The following ECT2L variants were observed in gnomAD, a reference collection of about 807,000 sequenced individuals.
ECT2L encodes the protein epithelial cell-transforming sequence 2 oncogene-like.
A neutral mutation model predicts 122.8 loss-of-function variants in ECT2L; 126 were observed. The ratio of observed to expected loss-of-function variants is 1.03; its 90% CI spans 0.89 to 1.19. ECT2L has a LOEUF of 1.19. Ranked by LOEUF, ECT2L falls within the 50% of genes most tolerant of loss-of-function variation. The pLI, the probability that ECT2L is intolerant of heterozygous loss-of-function variation, is 0.00. For synonymous variants in ECT2L, 385 were observed against 381.8 expected (o/e 1.01, Z -0.10); for missense variants, 1,012 against 1,064.1 (o/e 0.95, Z 0.68).
At chr6:138,880,335 C>A (rs564442815) in intron 14 of ECT2L, among the ~76,000 whole-genome samples, 9 of 152,224 alleles carry the variant, frequency 5.9e-5, no homozygotes, top group African/African-American at 2.2e-4. Context: ...AGGACCAACT[C>A]CCTCTGCCAA....
Position 138,849,377 on chromosome 6 carries a change from G to C in ECT2L, c.1012G>C (p.Ala338Pro). The C allele has an allele frequency of 6.2e-7, 1 of 1,613,974 alleles. No homozygotes were observed. Among genetic ancestry groups the C allele is most frequent in the Non-Finnish European group, 8.5e-7 (1 of 1,179,966 alleles). ...AGAAAAAGCTCTGGATGGGCAGAAGGCACAGAGCATCGGAATATTTAGCGA... is the reference window on the plus strand; with the variant it reads ...AGAAAAAGCTCTGGATGGGCAGAAGCCACAGAGCATCGGAATATTTAGCGA... ...LIEKALDGQK[A>P]QSIGIFSDGD... Residue 338 changes from alanine to proline, a missense_variant, in exon 9 of 22, where the codon GCA (alanine) becomes CCA (proline). By Grantham distance (27) the Ala-to-Pro change is conservative. Coordinates refer to ENST00000541398, the MANE Select transcript of ECT2L (RefSeq NM_001077706.3).
chr6:138,825,440 G>A (rs1365133182), intron 4 of ECT2L, among the ~76,000 whole-genome samples: 1 of 151,660 alleles, frequency 6.6e-6, no homozygotes, highest in Non-Finnish European at 1.5e-5. Flanking sequence ...ATACTAGCCA[G>A]GTGTGGTGGG....
chr6:138,847,354 A>ATTTTTTTTTTTTTTTTTTTTTTTTTTT, intron 8 of ECT2L, among the ~76,000 whole-genome samples: 1 of 111,016 alleles, frequency 9.0e-6, no homozygotes, highest in African/African-American at 4.0e-5. Flanking sequence ...AAAGGCCCAA[A>ATTTTTTTTTTTTTTTTTTTTTTTTTTT]CTTTTTTTTT....
intron 16 of ECT2L, 37 bp downstream of exon 16, chr6:138,882,908 G>A (rs766983090): frequency 3.7e-6 from 6 of 1,604,228 alleles, no homozygotes; most frequent in South Asian, 1.1e-5. Context: ...TATAAGACCT[G>A]AGCTAGAAAG....
At position 138,838,628 on chromosome 6, in the gene ECT2L, CATT is replaced by C. The variant is rs1263832463; in HGVS notation, c.342+116_342+118del. On this transcript the variant is annotated intron_variant, in intron 5 of 21. Transcript: ENST00000541398. ...CAATAGCTGAGGGTACCTGATCCAT[CATT>C]AACTTACCCTTGAGAGAAAAAATGG... The C allele has an allele frequency of 4.0e-6, 4 of 1,012,110 alleles. No homozygotes were observed. In the African/African-American group the frequency reaches 5.0e-5, roughly 13 times the overall value. 62.7% of individuals were successfully genotyped at this position (1,012,110 alleles called of 1,614,324 possible). A position where few individuals can be genotyped will look rare whatever the true frequency, so the allele number is the denominator to read the frequency against.
intron 4 of ECT2L, among the ~76,000 whole-genome samples, chr6:138,819,397 C>G (rs1048834363): frequency 2.0e-5 from 3 of 152,096 alleles, no homozygotes; most frequent in East Asian, 3.9e-4. Flanking sequence ...GTGTGTGGAG[C>G]TGCTCTCCCC....
chr6:138,889,052 C>T (rs1055534281), intron 20 of ECT2L, 21 bp downstream of exon 20: 3 of 1,417,572 alleles, frequency 2.1e-6, no homozygotes, highest in African/African-American at 1.4e-5. Flanking sequence ...GTTAACTATC[C>T]TAAGGCTGTG....
At chr6:138,856,191 ACCCCCACCACAGCAATTCTTTTTGTCT>A (rs143035094) in intron 10 of ECT2L, among the ~76,000 whole-genome samples, 135,345 of 151,290 alleles carry the variant, frequency 0.89, 60,702 homozygotes, top group Non-Finnish European at 0.93. Flanking sequence ...GTACTCAAAT[ACCCCCACCACAGCAATTCTTTTTGTCT>A]CCCCCACCCC....
chr6:138,882,552 C>T (rs1360163305), intron 15 of ECT2L, among the ~76,000 whole-genome samples, 172 bp from the exon 16 acceptor site: 1 of 152,152 alleles, frequency 6.6e-6, no homozygotes. Flanking sequence ...CTTCACGTCC[C>T]AGTTCCCTTT....
chr6:138,854,164 G>A lies in ECT2L; in HGVS notation c.1198+10G>A, dbSNP rs915546712. The A allele has an allele frequency of 2.5e-6, 4 of 1,610,004 alleles. No homozygotes were observed. The highest frequency in any genetic ancestry group is 2.2e-5 in the East Asian group (1 of 44,850). ...CCCCTTGGAGCATCAGGTTAGCTCA[G>A]AACACCTTATAGAGAGACAGTGGCC... On this transcript the variant is annotated intron_variant, in intron 10 of 21. Transcript: ENST00000541398.
chr6:138,848,898 G>A (rs77658027), intron 8 of ECT2L, among the ~76,000 whole-genome samples: 2,971 of 152,202 alleles, frequency 0.02, 79 homozygotes, highest in African/African-American at 0.067. Context: ...CAAGTTATCC[G>A]TCAGCCTCGG....
chr6:138,855,360 A>G (rs1777577969), intron 10 of ECT2L, among the ~76,000 whole-genome samples: 2 of 151,894 alleles, frequency 1.3e-5, no homozygotes, highest in African/African-American at 4.8e-5. Context: ...ATAGAAAAAA[A>G]TAGCTGGGCG....
At chr6:138,891,847 G>T (rs1182700583) in intron 20 of ECT2L, among the ~76,000 whole-genome samples, 4 of 152,164 alleles carry the variant, frequency 2.6e-5, no homozygotes, top group Non-Finnish European at 4.4e-5. Flanking sequence ...AGTAAGGTGG[G>T]TTTATGTTTT....
chr6:138,807,852 A>G (rs934015160), intron 1 of ECT2L, among the ~76,000 whole-genome samples: 1 of 152,110 alleles, frequency 6.6e-6, no homozygotes, highest in African/African-American at 2.4e-5. Context: ...TTTCTGAATA[A>G]CTGCTGTGTT....
At chr6:138,869,344 G>A (rs1778161866) in intron 13 of ECT2L, among the ~76,000 whole-genome samples, 1 of 152,134 alleles carries the variant, frequency 6.6e-6, no homozygotes, top group South Asian at 2.1e-4. Flanking sequence ...CTGCTTTGTG[G>A]GTGAATTTAA....
At chr6:138,816,299 T>G (rs1283840150) in intron 4 of ECT2L, among the ~76,000 whole-genome samples, 1 of 152,198 alleles carries the variant, frequency 6.6e-6, no homozygotes, top group Non-Finnish European at 1.5e-5. Context: ...TGACTTTTTG[T>G]CACTGGAAAT....
Position 138,868,162 on chromosome 6 carries a change from C to G in ECT2L, c.1534C>G (p.Gln512Glu), listed in dbSNP as rs1778120356. The G allele has an allele frequency of 3.1e-6, 5 of 1,613,782 alleles. No individual in the cohort carries two copies. The East Asian group carries it at 1.1e-4, about 36-fold the overall frequency. The change falls in exon 13 of 22, where the codon CAA becomes GAA. Residue 512 changes from glutamine (Q) to glutamate (E), a missense_variant. Gln to Glu is a conservative substitution (Grantham distance 29). Transcript: ENST00000541398. Reference protein sequence around the residue: ...TNILNNQDTAQALADGLMELS... With the variant: ...TNILNNQDTAEALADGLMELS... Reference sequence around the variant, plus strand: ...CATTCTAAACAACCAAGATACTGCGCAAGCTCTGGCAGATGGATTGATGGA... The same window carrying G: ...CATTCTAAACAACCAAGATACTGCGGAAGCTCTGGCAGATGGATTGATGGA...
At chr6:138,802,748 T>A (rs72985081) in intron 1 of ECT2L, among the ~76,000 whole-genome samples, 4,560 of 152,180 alleles carry the variant, frequency 0.03, 118 homozygotes, top group Non-Finnish European at 0.044. Context: ...CTGGGTTGAA[T>A]AGTCAACGAA....
chr6:138,814,722 T>C (rs1776013181), intron 4 of ECT2L, 119 bp downstream of exon 4: 4 of 630,974 alleles, frequency 6.3e-6, no homozygotes, highest in Non-Finnish European at 7.8e-6. Flanking sequence ...AGGTAATTGA[T>C]ATTTTAAGGT....
Sources: allele counts gnomAD v4.1 joint callset (sites outside exome capture counted in the v4.1 genomes callset), GRCh38; gene constraint gnomAD v4.1.1; transcripts MANE v1.5; gene names NCBI Gene and HGNC (gene_info 2026-07-23, HGNC 2026-07-21).